SPATA13: variants seen among roughly 807,000 people sequenced by gnomAD.
SPATA13 encodes spermatogenesis-associated protein 13.
SPATA13 carries 50 observed loss-of-function variants against 104.0 expected under a neutral mutation model. The observed-to-expected ratio is 0.48, with a 90% CI of 0.38 to 0.61. SPATA13 has a LOEUF of 0.61. Ranked by LOEUF, SPATA13 falls within the 20% of genes least tolerant of loss-of-function variation. The pLI is 0.00. For synonymous variants in SPATA13, 606 were observed against 667.5 expected (o/e 0.91, Z 1.42); for missense variants, 1,524 against 1,690.6 (o/e 0.90, Z 1.73).
intron 2 of SPATA13, among the ~76,000 whole-genome samples, chr13:23,993,687 A>G (rs146924630): frequency 2.6e-5 from 4 of 152,288 alleles, no homozygotes; most frequent in Middle Eastern, 3.4e-3. Flanking sequence ...GAATTTACCT[A>G]GGAAAGCCCA....
chr13:23,994,236 C>A (rs976281002), intron 2 of SPATA13, among the ~76,000 whole-genome samples: 11 of 152,148 alleles, frequency 7.2e-5, no homozygotes, highest in Non-Finnish European at 1.2e-4. Context: ...TTTGACCAAA[C>A]CTATGGCAAA....
At chr13:23,987,020 T>TGTGTGTGTGTGA (rs1227747711) in intron 2 of SPATA13, among the ~76,000 whole-genome samples, 12 of 151,574 alleles carry the variant, frequency 7.9e-5, no homozygotes, top group African/African-American at 2.9e-4. Context: ...TGTGTGTGTG[T>TGTGTGTGTGTGA]GTGTGTGTGT....
rs909908457 is a variant in SPATA13 at position 24,088,449 on chromosome 13, C to G, written c.-112+70748C>G. ...CTTGAGATGAAGACACATGAGAACC[C>G]AAGCCCATCACCCTGGACATTGACA... On this transcript the variant is annotated intron_variant, in intron 3 of 14. Coordinates refer to the SPATA13 transcript ENST00000424834. This position sits in a 1 kb window ranked among gnomAD's most constrained non-coding sequence, Gnocchi z 4.3. Among the ~76,000 whole-genome samples, 9 of 152,094 alleles carry G rather than the reference C, an allele frequency of 5.9e-5. No individual in the cohort carries two copies. The highest frequency in any genetic ancestry group is 2.6e-4 in the Admixed American group (4 of 15,270).
intron 2 of SPATA13, among the ~76,000 whole-genome samples, chr13:24,236,046 A>G (rs572300132): frequency 1.2e-3 from 189 of 152,276 alleles, no homozygotes; most frequent in African/African-American, 4.5e-3. Flanking sequence ...GAAAAGTTCA[A>G]GGACTGTCAC....
intron 3 of SPATA13, among the ~76,000 whole-genome samples, chr13:24,103,481 T>A (rs1880323162): frequency 9.7e-5 from 2 of 20,698 alleles, no homozygotes; most frequent in African/African-American, 2.3e-4. Flanking sequence ...CAAGACCCTG[T>A]CTCAAAAAAA....
intron 3 of SPATA13, chr13:24,122,048 GGAAA>G (rs1881046965): frequency 6.5e-7 from 1 of 1,538,220 alleles, no homozygotes; most frequent in African/African-American, 1.4e-5. Context: ...TCACACAGCA[GGAAA>G]GAAAGAGATA....
intron 12 of SPATA13, among the ~76,000 whole-genome samples, chr13:24,300,833 A>G (rs1877133119): frequency 6.6e-6 from 1 of 152,204 alleles, no homozygotes. Context: ...GGACTCTTGC[A>G]TCTTTTAGGC....
At position 24,247,478 on chromosome 13, in the gene SPATA13, C is replaced by CT. The variant is rs10625714; in HGVS notation, c.1654-1980dup. 2.8e-3 allele frequency among the ~76,000 whole-genome samples: 241 copies of CT among 87,114 alleles called. 10 individuals carry two copies. Among genetic ancestry groups the CT allele is most frequent in the Middle Eastern group, 9.6e-3 (1 of 104 alleles). The allele number at this position is 87,114 out of a possible 152,430, so 57.2% of individuals were successfully genotyped here. A position where few individuals can be genotyped will look rare whatever the true frequency, so the allele number is the denominator to read the frequency against. On this transcript the variant is annotated intron_variant, in intron 2 of 12. Coordinates refer to ENST00000382108, the MANE Select transcript of SPATA13 (RefSeq NM_001166271.3). The stretch of plus-strand genomic sequence containing the variant: ...CACTGTGCTCTTTGCTCCACATTCA[C>CT]TTTTTTTTTTTTTTTTTTTGAGACA...
intron 3 of SPATA13, among the ~76,000 whole-genome samples, chr13:24,128,745 A>C (rs1881301891): frequency 6.6e-6 from 1 of 152,152 alleles, no homozygotes; most frequent in African/African-American, 2.4e-5. Context: ...TAAAAAAAAA[A>C]AAAAAACTGC....
In SPATA13 at chr13:24,134,729, T is replaced by A. The variant is rs528191295; in HGVS notation, c.-111-88090T>A. Among the ~76,000 whole-genome samples the A allele has an allele frequency of 5.9e-5, 9 of 152,310 alleles. 1 individual carries two copies. The highest frequency in any genetic ancestry group is 2.6e-4 in the Admixed American group (4 of 15,300). ...CCTCACCAGTACCAACATTGCTCCCTGAGCCTAGAAAACATGAAGGCTTTG... is the reference window on the plus strand; with the variant it reads ...CCTCACCAGTACCAACATTGCTCCCAGAGCCTAGAAAACATGAAGGCTTTG... On this transcript the variant is annotated intron_variant, in intron 3 of 14. Transcript: ENST00000424834.
At position 24,022,068 on chromosome 13, in the gene SPATA13, A is replaced by G. The variant is rs1877004111; in HGVS notation, c.-112+4367A>G. On this transcript the variant is annotated intron_variant, in intron 3 of 14. Transcript: ENST00000424834. ...TTTTCTTTCTTTTTTTTTTTTTTTC[A>G]AATGGAGTCTTGCTCTATCTCTTGA... 2.2e-5 allele frequency among the ~76,000 whole-genome samples: 3 copies of G among 138,962 alleles called. No homozygotes were observed. In the Admixed American group the frequency reaches 2.2e-4, roughly 10 times the overall value. The allele number at this position is 138,962 out of a possible 152,430, so 91.2% of individuals were successfully genotyped here.
At chr13:23,984,587 T>TGGG (rs1249477514) in intron 2 of SPATA13, among the ~76,000 whole-genome samples, 1 of 152,152 alleles carries the variant, frequency 6.6e-6, no homozygotes, top group African/African-American at 2.4e-5. Context: ...ACCCCTTTAC[T>TGGG]TTTAAGTGTG....
chr13:24,278,777 A>G lies in SPATA13; in HGVS notation c.2165-5358A>G, dbSNP rs1190297760. The G allele has an allele frequency of 8.1e-6, 13 of 1,602,096 alleles. No homozygotes were observed. In the Admixed American group the frequency reaches 2.2e-4, roughly 28 times the overall value. Reference sequence around the variant, plus strand: ...GACCAAGGACTCATACTCAAAAAAGAAAAATATAGAAAAGAAAAAAAATGT... The same window carrying G: ...GACCAAGGACTCATACTCAAAAAAGGAAAATATAGAAAAGAAAAAAAATGT... On this transcript the variant is annotated intron_variant, in intron 4 of 12. Transcript: ENST00000382108.
intron 3 of SPATA13, among the ~76,000 whole-genome samples, chr13:24,105,437 C>A (rs1196636354): frequency 6.9e-6 from 1 of 145,746 alleles, no homozygotes; most frequent in African/African-American, 2.7e-5. Context: ...CTGCGCCTGA[C>A]TTCTTACTTT....
intron 2 of SPATA13, among the ~76,000 whole-genome samples, chr13:24,239,692 C>CCA (rs1872737554): frequency 3.8e-4 from 1 of 2,650 alleles, no homozygotes; most frequent in Non-Finnish European, 1.1e-3. Context: ...GAGACCATAT[C>CCA]TAAAAAAAAA....
At chr13:23,986,831 T>G (rs555934136) in intron 2 of SPATA13, among the ~76,000 whole-genome samples, 5 of 152,288 alleles carry the variant, frequency 3.3e-5, no homozygotes, top group African/African-American at 1.2e-4. Context: ...TGCTGTTGTA[T>G]TCCATCTCAG....
At chr13:24,069,455 T>G (rs994896229) in intron 3 of SPATA13, among the ~76,000 whole-genome samples, 2 of 152,224 alleles carry the variant, frequency 1.3e-5, no homozygotes, top group African/African-American at 4.8e-5. Flanking sequence ...GCTAGTGATT[T>G]CTGCACATTG....
rs559753723 is a variant in SPATA13, at chr13:24,009,684, G to A, written c.-146-7983G>A. On this transcript the variant is annotated intron_variant, in intron 2 of 14. Transcript: ENST00000424834. ...AGGAATGTTTGGGTTAGGATGATAA[G>A]GGGTGGTGGAGACCAAAGTTTTATC... is the stretch of plus-strand genomic sequence containing the variant. Among the ~76,000 whole-genome samples, 4 of 152,344 alleles carry A rather than the reference G, an allele frequency of 2.6e-5. No homozygotes were observed. In the East Asian group the frequency reaches 7.7e-4, roughly 29 times the overall value.
chr13:23,997,310 C>A (rs954233191), intron 2 of SPATA13, among the ~76,000 whole-genome samples: 6 of 152,148 alleles, frequency 3.9e-5, no homozygotes, highest in Admixed American at 3.9e-4. Flanking sequence ...TTCATCACCA[C>A]CAAAAGTAGA....
Sources: allele counts gnomAD v4.1 joint callset (sites outside exome capture counted in the v4.1 genomes callset), GRCh38; gene constraint gnomAD v4.1.1; non-coding constraint Gnocchi (gnomAD v3.1); transcripts MANE v1.5; gene names NCBI Gene and HGNC (gene_info 2026-07-23, HGNC 2026-07-21).